The following ECPAS variants were observed in gnomAD, a reference collection of about 807,000 sequenced individuals.
The protein encoded by ECPAS is proteasome adapter and scaffold protein ECM29.
Under a neutral mutation model 255.1 loss-of-function variants are expected in ECPAS, and 70 were observed. The observed-to-expected ratio is 0.27, with a 90% confidence interval of 0.23 to 0.33. The LOEUF (loss-of-function observed/expected upper bound fraction) is 0.33. Among genes scored for constraint, ECPAS ranks in the 10% least tolerant of loss-of-function variants. The pLI, the probability that ECPAS is intolerant of heterozygous loss-of-function variation, is 1.00. For synonymous variants in ECPAS, 784 were observed against 775.0 expected, an observed-to-expected ratio of 1.01 and a Z score of -0.19; for missense variants, 1,817 against 2,206.4, an observed-to-expected ratio of 0.82 and a Z score of 3.54.
In ECPAS at chr9:111,430,564, G is replaced by T. The variant is rs1244153208; in HGVS notation, c.913C>A (p.Pro305Thr). 6.3e-7 allele frequency: 1 copy of T among 1,593,824 alleles called. No individual in the cohort carries two copies. Among genetic ancestry groups the T allele is most frequent in the South Asian group, 1.1e-5 (1 of 88,384 alleles). ...KMYKVYLGDI[P>T]LKTKEGAVLK... Reference sequence around the variant, plus strand: ...CAACCTACCTCTTTTGTCTTCAGTGGTATATCTCCAAGGTACACCTTGTAC... The same window carrying T: ...CAACCTACCTCTTTTGTCTTCAGTGTTATATCTCCAAGGTACACCTTGTAC... Residue 305 changes from proline to threonine, a missense_variant, in exon 9 of 50, where the codon CCA becomes ACA. By Grantham distance (38) the Pro-to-Thr change is conservative. Coordinates refer to ENST00000684092, the MANE Select transcript of ECPAS (RefSeq NM_001364929.1).
intron 46 of ECPAS, 56 bp downstream of exon 46, chr9:111,368,979 G>A (rs921282783): frequency 7.1e-6 from 10 of 1,410,862 alleles, no homozygotes; most frequent in Non-Finnish European, 9.4e-6. Flanking sequence ...AAAATTCTTC[G>A]CTCTCATTAA....
intron 26 of ECPAS, 51 bp downstream of exon 26, chr9:111,394,109 C>T (rs890491381): frequency 2.6e-5 from 39 of 1,518,772 alleles, no homozygotes; most frequent in Non-Finnish European, 3.2e-5. Flanking sequence ...TTCCTTGCTA[C>T]TTATAATACT....
intron 2 of ECPAS, among the ~76,000 whole-genome samples, chr9:111,458,583 T>G (rs115221144): frequency 0.015 from 2,249 of 148,752 alleles, 72 homozygotes; most frequent in African/African-American, 0.053. Context: ...CTAATCATCT[T>G]GCAGGTTTTC....
intron 24 of ECPAS, among the ~76,000 whole-genome samples, chr9:111,397,770 C>T (rs1279963674): frequency 2.0e-5 from 3 of 152,028 alleles, no homozygotes; most frequent in African/African-American, 2.4e-5. Flanking sequence ...TTAAGTGGCT[C>T]AGAAAAAAGA....
chr9:111,379,097 T>G (rs1589122600), intron 35 of ECPAS, among the ~76,000 whole-genome samples: 1 of 152,198 alleles, frequency 6.6e-6, no homozygotes, highest in Admixed American at 6.5e-5. Context: ...TTGACCAATT[T>G]TGTTTCATTT....
chr9:111,435,665 T>C (rs2098236930), intron 7 of ECPAS, among the ~76,000 whole-genome samples: 1 of 150,976 alleles, frequency 6.6e-6, no homozygotes, highest in Non-Finnish European at 1.5e-5. Flanking sequence ...CAATAAAGAG[T>C]AGCTTCAGTA....
intron 3 of ECPAS, among the ~76,000 whole-genome samples, chr9:111,450,399 A>C (rs2098258836): frequency 6.6e-6 from 1 of 152,140 alleles, no homozygotes; most frequent in African/African-American, 2.4e-5. Flanking sequence ...CTGTAAAGAG[A>C]TATAAACATA....
intron 31 of ECPAS, among the ~76,000 whole-genome samples, chr9:111,388,930 C>G (rs956949069): frequency 6.6e-6 from 1 of 152,280 alleles, no homozygotes; most frequent in Admixed American, 6.5e-5. Context: ...TGAAACAACA[C>G]TGAAGTGAAA....
intron 3 of ECPAS, among the ~76,000 whole-genome samples, chr9:111,447,076 A>G (rs578067379): frequency 6.6e-6 from 1 of 152,300 alleles, no homozygotes; most frequent in Non-Finnish European, 1.5e-5. Flanking sequence ...CGATGGAGAC[A>G]GAGAATCTTG....
rs779742404 is a variant in ECPAS at position 111,362,119 on chromosome 9, C to T, written c.5431G>A (p.Glu1811Lys). The change falls in exon 50 of 50, where the codon GAG (glutamate) becomes AAG (lysine). Residue 1811 changes from glutamate (E) to lysine (K), a missense_variant. By Grantham distance (56) the Glu-to-Lys change is moderately conservative. Coordinates refer to ENST00000684092, the MANE Select transcript of ECPAS (RefSeq NM_001364929.1). ...LTSECRVLLI[E>K]SLATMEPDSR... Reference sequence around the variant, plus strand: ...TCTGGCTCCATAGTAGCTAAAGACTCAATTAGGAGCACTCTGCATTCAGAT... The same window carrying T: ...TCTGGCTCCATAGTAGCTAAAGACTTAATTAGGAGCACTCTGCATTCAGAT... The T allele has an allele frequency of 1.9e-6, 3 of 1,604,360 alleles. No homozygotes were observed. The highest frequency in any genetic ancestry group is 2.5e-6 in the Non-Finnish European group (3 of 1,177,360).
intron 12 of ECPAS, 41 bp from the exon 13 acceptor site, chr9:111,423,289 A>G: frequency 1.5e-6 from 2 of 1,340,418 alleles, no homozygotes; most frequent in Non-Finnish European, 2.1e-6. Context: ...GAAAGAACAA[A>G]AAACAGACAA....
chr9:111,435,679 CTTTT>C (rs1163482272), intron 7 of ECPAS, among the ~76,000 whole-genome samples: 3 of 132,596 alleles, frequency 2.3e-5, no homozygotes, highest in Non-Finnish European at 1.6e-5. Flanking sequence ...TTCAGTAAAT[CTTTT>C]TTTTTTTTTT....
intron 23 of ECPAS, among the ~76,000 whole-genome samples, chr9:111,409,251 G>T (rs2098190116): frequency 6.6e-6 from 1 of 152,056 alleles, no homozygotes; most frequent in African/African-American, 2.4e-5. Flanking sequence ...ACAGTAGCTA[G>T]ACCAAGATTA....
chr9:111,366,080 A>G, intron 48 of ECPAS, 159 bp downstream of exon 48: 1 of 553,142 alleles, frequency 1.8e-6, no homozygotes, highest in Non-Finnish European at 3.2e-6. Flanking sequence ...CCAGATTTAA[A>G]TATTCCAGTT....
At chr9:111,482,831 G>A (rs2098308299) in intron 1 of ECPAS, among the ~76,000 whole-genome samples, 1 of 146,612 alleles carries the variant, frequency 6.8e-6, no homozygotes, top group South Asian at 2.1e-4. Context: ...GGCGGCGGGC[G>A]GGGCGGCCTG....
chr9:111,429,374 T>C (rs2098226508), intron 9 of ECPAS, among the ~76,000 whole-genome samples: 1 of 152,182 alleles, frequency 6.6e-6, no homozygotes, highest in Non-Finnish European at 1.5e-5. Context: ...CCATTGCTTT[T>C]GTACCATGAG....
intron 36 of ECPAS, 136 bp from the exon 37 acceptor site, chr9:111,376,677 C>A: frequency 1.5e-6 from 1 of 674,944 alleles, no homozygotes. Context: ...CAAAGGCAAA[C>A]ATCAAGTCTA....
chr9:111,425,058 G>C (rs1189682157), intron 12 of ECPAS, among the ~76,000 whole-genome samples: 4 of 151,800 alleles, frequency 2.6e-5, no homozygotes, highest in Non-Finnish European at 5.9e-5. Context: ...GTGGTGGCAG[G>C]TGCCTGTAAT....
chr9:111,389,449 A>G lies in ECPAS; in HGVS notation c.3447+107T>C, dbSNP rs904325163. ...GAAAGACAATTTATTTGTTTAAACAAGTAAACATAAAAAGTAGAAAGGAAG... is the reference window on the plus strand; with the variant it reads ...GAAAGACAATTTATTTGTTTAAACAGGTAAACATAAAAAGTAGAAAGGAAG... On this transcript the variant is annotated intron_variant, in intron 31 of 49. Coordinates refer to ENST00000684092, the MANE Select transcript of ECPAS (RefSeq NM_001364929.1). 8.9e-6 allele frequency: 9 copies of G among 1,011,946 alleles called. No homozygotes were observed. In the East Asian group the frequency reaches 1.8e-4, roughly 21 times the overall value. The allele number at this position is 1,011,946 out of a possible 1,614,324, so 62.7% of individuals were successfully genotyped here.
Sources: allele counts gnomAD v4.1 joint callset (sites outside exome capture counted in the v4.1 genomes callset), GRCh38; gene constraint gnomAD v4.1.1; transcripts MANE v1.5; gene names NCBI Gene and HGNC (gene_info 2026-07-23, HGNC 2026-07-21).